The following JMJD1C variants were observed in gnomAD, a reference collection of about 807,000 sequenced individuals.
JMJD1C encodes jumonji domain containing 1C.
A neutral mutation model predicts 245.3 loss-of-function variants in JMJD1C; 31 were observed. That is an observed-to-expected ratio of 0.13 (90% CI 0.09 to 0.17). The LOEUF (loss-of-function observed/expected upper bound fraction) is 0.17. Among genes scored for constraint, JMJD1C ranks in the 10% least tolerant of loss-of-function variants. The pLI, the probability that JMJD1C is intolerant of heterozygous loss-of-function variation, is 1.00. For synonymous variants in JMJD1C, 1,057 were observed against 1,017.4 expected, an observed-to-expected ratio of 1.04 and a Z score of -0.74; for missense variants, 2,691 against 3,000.2, an observed-to-expected ratio of 0.90 and a Z score of 2.41.
intron 2 of JMJD1C, among the ~76,000 whole-genome samples, chr10:63,294,922 A>G (rs1213714852): frequency 6.6e-6 from 1 of 152,216 alleles, no homozygotes; most frequent in Non-Finnish European, 1.5e-5. Context: ...GTTAATTTTA[A>G]AAGGCATTAT....
chr10:63,188,915 C>A, intron 18 of JMJD1C, among the ~76,000 whole-genome samples: 1 of 152,146 alleles, frequency 6.6e-6, no homozygotes, highest in South Asian at 2.1e-4. Flanking sequence ...TATTACATGT[C>A]TGTTCTGATA....
intron 3 of JMJD1C, among the ~76,000 whole-genome samples, chr10:63,249,146 T>C (rs1852694044): frequency 6.6e-6 from 1 of 152,082 alleles, no homozygotes. Context: ...TAAAACCCTG[T>C]CTCTACTAAA....
chr10:63,442,401 G>A (rs1951443704), intron 1 of JMJD1C, among the ~76,000 whole-genome samples: 1 of 152,128 alleles, frequency 6.6e-6, no homozygotes, highest in Admixed American at 6.5e-5. Flanking sequence ...GAAAGTATGT[G>A]TATTCATATT....
intron 2 of JMJD1C, among the ~76,000 whole-genome samples, chr10:63,339,531 C>A (rs1169580494): frequency 6.6e-6 from 1 of 152,086 alleles, no homozygotes; most frequent in African/African-American, 2.4e-5. Flanking sequence ...GCCTGTAATA[C>A]CAGCACTTTC....
chr10:63,400,084 T>C (rs1046259710), intron 1 of JMJD1C, among the ~76,000 whole-genome samples: 1 of 152,172 alleles, frequency 6.6e-6, no homozygotes, highest in Non-Finnish European at 1.5e-5. Context: ...TTAAAAGGTA[T>C]TGTTTTTGAT....
At chr10:63,338,069 G>A (rs1038016559) in intron 2 of JMJD1C, among the ~76,000 whole-genome samples, 2 of 152,118 alleles carry the variant, frequency 1.3e-5, no homozygotes, top group African/African-American at 4.8e-5. Context: ...AGCGGTAAAA[G>A]ACCAACATAA....
At chr10:63,452,054 C>T (rs780375621) in intron 1 of JMJD1C, among the ~76,000 whole-genome samples, 6 of 152,084 alleles carry the variant, frequency 3.9e-5, no homozygotes, top group African/African-American at 7.2e-5. Context: ...GGAAATGACA[C>T]CAAAAGCACC....
chr10:63,438,641 C>T (rs1307520702), intron 1 of JMJD1C, among the ~76,000 whole-genome samples: 4 of 152,182 alleles, frequency 2.6e-5, no homozygotes, highest in Non-Finnish European at 5.9e-5. Context: ...TCCTCTCCCA[C>T]TTTTCACTGC....
chr10:63,216,791 A>G (rs982511156), intron 5 of JMJD1C, among the ~76,000 whole-genome samples: 1 of 152,198 alleles, frequency 6.6e-6, no homozygotes, highest in African/African-American at 2.4e-5. Flanking sequence ...TTAATTGAGC[A>G]TACCAACACT....
intron 25 of JMJD1C, 33 bp downstream of exon 25, chr10:63,168,402 T>A (rs1316093816): frequency 1.3e-6 from 2 of 1,572,500 alleles, no homozygotes; most frequent in Non-Finnish European, 8.6e-7. Flanking sequence ...ATAAAAAGCC[T>A]GAAGAACAGG....
chr10:63,284,908 T>C (rs76209345), intron 2 of JMJD1C, among the ~76,000 whole-genome samples: 30 of 95,928 alleles, frequency 3.1e-4, no homozygotes, highest in East Asian at 2.2e-3. Context: ...CACACACACA[T>C]TCTCTCTACT....
chr10:63,216,240 A>G (rs1847962090), intron 5 of JMJD1C, among the ~76,000 whole-genome samples: 1 of 152,240 alleles, frequency 6.6e-6, no homozygotes, highest in South Asian at 2.1e-4. Context: ...CTACATTTTA[A>G]CCAAAGTATT....
rs575501451 is a variant in JMJD1C, at chr10:63,222,730, T to C, written c.448-2747A>G. The stretch of plus-strand genomic sequence containing the variant: ...CTGCTTTGATTGACTTGGATCTTTA[T>C]ATAGGATTTAATGGTTGCTCACTGA... On this transcript the variant is annotated intron_variant, in intron 3 of 25. Transcript: ENST00000399262. The C allele has an allele frequency of 1.2e-5, 19 of 1,536,362 alleles. No homozygotes were observed. The East Asian group carries it at 3.4e-4, about 27-fold the overall frequency.
intron 1 of JMJD1C, among the ~76,000 whole-genome samples, chr10:63,457,613 TA>T (rs1294671306): frequency 6.6e-6 from 1 of 151,902 alleles, no homozygotes; most frequent in Admixed American, 6.6e-5. Context: ...GAAGGAGAAA[TA>T]AAAGTCCAAG....
In JMJD1C at chr10:63,167,931, G is replaced by GAAA; in HGVS notation, c.*113_*114insTTT. On this transcript the variant is annotated 3_prime_UTR_variant, in exon 26 of 26. Coordinates refer to ENST00000399262, the MANE Select transcript of JMJD1C (RefSeq NM_032776.3). ...CAGTAACAAGTAATTACTACAAAGA[G>GAAA]AATTTCTTGGCACTGATGGTTTTAT... 1.5e-6 allele frequency: 1 copy of GAAA among 676,668 alleles called. No individual in the cohort carries two copies. The highest frequency in any genetic ancestry group is 2.5e-5 in the East Asian group (1 of 39,414). 41.9% of individuals were successfully genotyped at this position (676,668 alleles called of 1,614,324 possible).
chr10:63,342,643 A>T (rs1943478346), intron 2 of JMJD1C, among the ~76,000 whole-genome samples: 1 of 152,234 alleles, frequency 6.6e-6, no homozygotes, highest in Non-Finnish European at 1.5e-5. Context: ...TACTGTGCTG[A>T]TTAGTTACAG....
In JMJD1C at chr10:63,344,365, T is replaced by C. The variant is rs769796653; in HGVS notation, c.333+35953A>G. Among the ~76,000 whole-genome samples the C allele has an allele frequency of 3.9e-5, 6 of 152,202 alleles. No individual in the cohort carries two copies. In the South Asian group the frequency reaches 1.0e-3, roughly 26 times the overall value. ...CCTCAGAACAACAGGCCATACCATA[T>C]AGCCTAAGTATATAGTAGGCAAACC... On this transcript the variant is annotated intron_variant, in intron 2 of 25. Transcript: ENST00000399262.
Position 63,355,545 on chromosome 10 carries a change from G to C in JMJD1C, c.333+24773C>G, listed in dbSNP as rs144306021. On this transcript the variant is annotated intron_variant, in intron 2 of 25. Transcript: ENST00000399262. The stretch of plus-strand genomic sequence containing the variant: ...ACAGAGCCTAAATTTATTTACATGA[G>C]ACAGACCAGAAAGCTACTCTTGGAA... Among the ~76,000 whole-genome samples, 555 of 152,154 alleles carry C rather than the reference G, an allele frequency of 3.6e-3. 2 individuals carry two copies. The highest frequency in any genetic ancestry group is 0.013 in the African/African-American group (522 of 41,482).
chr10:63,276,708 C>T (rs1439281895), intron 2 of JMJD1C, among the ~76,000 whole-genome samples: 1 of 151,826 alleles, frequency 6.6e-6, no homozygotes, highest in Non-Finnish European at 1.5e-5. Flanking sequence ...GGTGATCCAC[C>T]CTCCTCAACC....
Sources: allele counts gnomAD v4.1 joint callset (sites outside exome capture counted in the v4.1 genomes callset), GRCh38; gene constraint gnomAD v4.1.1; transcripts MANE v1.5; gene names NCBI Gene and HGNC (gene_info 2026-07-23, HGNC 2026-07-21).